The following GIGYF2 variants were observed in gnomAD, a reference collection of about 807,000 sequenced individuals.
The protein encoded by GIGYF2 is GRB10-interacting GYF protein 2.
A neutral mutation model predicts 208.1 loss-of-function variants in GIGYF2; 25 were observed. That is an observed-to-expected ratio of 0.12 (90% CI 0.09 to 0.17). The LOEUF (loss-of-function observed/expected upper bound fraction) is 0.17, where lower values mean the gene tolerates loss of function less well. Ranked by LOEUF, GIGYF2 falls within the 10% of genes least tolerant of loss-of-function variation. The pLI is 1.00. For missense variants in GIGYF2, 1,302 were observed against 1,579.4 expected (o/e 0.82, Z 2.98); for synonymous variants, 534 against 543.8 (o/e 0.98, Z 0.25).
chr2:232,700,421 G>T (rs974408844), intron 1 of GIGYF2, among the ~76,000 whole-genome samples: 4 of 152,144 alleles, frequency 2.6e-5, no homozygotes, highest in Non-Finnish European at 4.4e-5. Flanking sequence ...TGCTATCTGG[G>T]AGAACCTTTT....
At position 232,768,070 on chromosome 2, in the gene GIGYF2, T is replaced by C. The variant is rs147795007; in HGVS notation, c.532+6634T>C. The C allele has an allele frequency of 2.9e-4, 276 of 941,560 alleles. No individual in the cohort carries two copies. The highest frequency in any genetic ancestry group is 2.8e-3 in the African/African-American group (171 of 61,104). The allele number at this position is 941,560 out of a possible 1,614,324, so 58.3% of individuals were successfully genotyped here. A position where few individuals can be genotyped will look rare whatever the true frequency, so the allele number is the denominator to read the frequency against. ...AGCCATTCTTATGTAGGCATAGGCATGATTACCGTGATGTAGAGAGCTATA... is the reference window on the plus strand; with the variant it reads ...AGCCATTCTTATGTAGGCATAGGCACGATTACCGTGATGTAGAGAGCTATA... On this transcript the variant is annotated intron_variant, in intron 8 of 28. Coordinates refer to ENST00000373563, the MANE Select transcript of GIGYF2 (RefSeq NM_001103146.3).
intron 6 of GIGYF2, among the ~76,000 whole-genome samples, chr2:232,759,802 C>T (rs1307188231): frequency 6.6e-6 from 1 of 152,050 alleles, no homozygotes; most frequent in Non-Finnish European, 1.5e-5. Context: ...AAATTGCCTT[C>T]AGTAAAGGCC....
intron 5 of GIGYF2, 142 bp downstream of exon 5, chr2:232,749,224 T>G: frequency 1.4e-6 from 1 of 715,780 alleles, no homozygotes; most frequent in Non-Finnish European, 2.6e-6. Context: ...ATGTTGATGC[T>G]TATTAGTTGA....
intron 2 of GIGYF2, among the ~76,000 whole-genome samples, chr2:232,725,126 A>G (rs1697138129): frequency 6.6e-6 from 1 of 151,958 alleles, no homozygotes; most frequent in South Asian, 2.1e-4. Flanking sequence ...TCATCATCTT[A>G]CTCTTCCCTA....
At chr2:232,777,551 T>A (rs1041414474) in intron 8 of GIGYF2, among the ~76,000 whole-genome samples, 1 of 152,166 alleles carries the variant, frequency 6.6e-6, no homozygotes, top group Non-Finnish European at 1.5e-5. Context: ...GGGAAAATTA[T>A]TAATGTAGAC....
At chr2:232,783,881 T>C (rs1699807088) in intron 8 of GIGYF2, among the ~76,000 whole-genome samples, 1 of 152,018 alleles carries the variant, frequency 6.6e-6, no homozygotes, top group South Asian at 2.1e-4. Flanking sequence ...AGAGACGGGG[T>C]TTCTCCATGT....
chr2:232,759,090 A>T (rs1698651807), intron 6 of GIGYF2, among the ~76,000 whole-genome samples: 1 of 152,118 alleles, frequency 6.6e-6, no homozygotes, highest in Admixed American at 6.5e-5. Flanking sequence ...GATTACCCAC[A>T]AAATAATTTG....
rs546693445 is a variant in GIGYF2, at chr2:232,732,000, G to C, written c.-43-3155G>C. On this transcript the variant is annotated intron_variant, in intron 2 of 28. Transcript: ENST00000373563. Reference sequence around the variant, plus strand: ...GTAAAATAAATTTGTTAAGATAGTCGTAAGATTTCTGGGTATTTAGAGTCT... The same window carrying C: ...GTAAAATAAATTTGTTAAGATAGTCCTAAGATTTCTGGGTATTTAGAGTCT... Among the ~76,000 whole-genome samples the C allele has an allele frequency of 1.1e-3, 170 of 152,154 alleles. 1 individual carries two copies. The highest frequency in any genetic ancestry group is 1.5e-3 in the Non-Finnish European group (99 of 68,024).
intron 23 of GIGYF2, 153 bp from the exon 24 acceptor site, chr2:232,843,893 G>A: frequency 1.4e-6 from 1 of 702,680 alleles, no homozygotes. Flanking sequence ...TACTGTTAGC[G>A]ATTTACATTT....
At chr2:232,710,006 C>G (rs557385092) in intron 2 of GIGYF2, among the ~76,000 whole-genome samples, 1 of 151,896 alleles carries the variant, frequency 6.6e-6, no homozygotes, top group Non-Finnish European at 1.5e-5. Context: ...GTCGCCCAGG[C>G]TGGAGTGCAG....
intron 8 of GIGYF2, among the ~76,000 whole-genome samples, chr2:232,771,839 G>C (rs1699266026): frequency 6.6e-6 from 1 of 152,148 alleles, no homozygotes; most frequent in Admixed American, 6.5e-5. Context: ...TAAATAATTA[G>C]AAGTCATTTG....
At chr2:232,710,899 C>G (rs1223996627) in intron 2 of GIGYF2, among the ~76,000 whole-genome samples, 1 of 151,796 alleles carries the variant, frequency 6.6e-6, no homozygotes, top group Non-Finnish European at 1.5e-5. Context: ...CAGGGTTTCA[C>G]TGTGTTGGCC....
chr2:232,748,570 C>T (rs1469991420), intron 4 of GIGYF2, among the ~76,000 whole-genome samples: 3 of 152,208 alleles, frequency 2.0e-5, no homozygotes, highest in African/African-American at 7.2e-5. Flanking sequence ...CAGGCGTGAG[C>T]CACAATGCCC....
At chr2:232,837,722 G>C (rs1311767744) in intron 22 of GIGYF2, among the ~76,000 whole-genome samples, 1 of 152,086 alleles carries the variant, frequency 6.6e-6, no homozygotes, top group Non-Finnish European at 1.5e-5. Context: ...GCCTCCCAAA[G>C]TGCTGGGATT....
intron 2 of GIGYF2, among the ~76,000 whole-genome samples, chr2:232,711,404 C>G (rs1285421965): frequency 6.6e-6 from 1 of 151,410 alleles, no homozygotes; most frequent in Non-Finnish European, 1.5e-5. Flanking sequence ...TTGAGGGCCC[C>G]AAAGAGCTTT....
intron 8 of GIGYF2, among the ~76,000 whole-genome samples, chr2:232,762,884 G>A (rs144205336): frequency 1.1e-4 from 16 of 152,094 alleles, no homozygotes; most frequent in Middle Eastern, 3.4e-3. Flanking sequence ...CTGCATGATG[G>A]TATGTGCCTG....
chr2:232,716,978 G>A (rs945250051), intron 2 of GIGYF2, among the ~76,000 whole-genome samples: 2 of 149,092 alleles, frequency 1.3e-5, no homozygotes, highest in African/African-American at 5.0e-5. Context: ...GCTAATTTTT[G>A]TTGTTTTTTT....
intron 4 of GIGYF2, among the ~76,000 whole-genome samples, chr2:232,748,003 C>G (rs1263235248): frequency 6.6e-6 from 1 of 152,136 alleles, no homozygotes; most frequent in African/African-American, 2.4e-5. Context: ...TTCCTCTTAA[C>G]CCCCCTTTCA....
chr2:232,728,655 C>T (rs907430083), intron 2 of GIGYF2, among the ~76,000 whole-genome samples: 1 of 152,138 alleles, frequency 6.6e-6, no homozygotes, highest in Non-Finnish European at 1.5e-5. Context: ...GGGATCATCT[C>T]TCCCAGCTAG....
Sources: gnomAD v4.1 joint callset for allele counts (sites outside exome capture counted in the v4.1 genomes callset) on GRCh38, gnomAD v4.1.1 for gene constraint, MANE v1.5 for transcripts, NCBI Gene and HGNC (gene_info 2026-07-23, HGNC 2026-07-21) for gene names.